Variants in C7 observed in about 807,000 individuals in gnomAD.
The protein encoded by C7 is complement component C7.
A neutral mutation model predicts 104.8 loss-of-function variants in C7; 83 were observed. The ratio of observed to expected loss-of-function variants is 0.79; its 90% CI spans 0.66 to 0.95. The LOEUF (loss-of-function observed/expected upper bound fraction) is 0.95, where lower values mean the gene tolerates loss of function less well. Ranked by LOEUF, C7 falls within the 40% of genes least tolerant of loss-of-function variation. C7 has a pLI of 0.00. For missense variants in C7, 1,070 were observed against 1,011.2 expected (o/e 1.06, Z -0.79); for synonymous variants, 415 against 360.6 (o/e 1.15, Z -1.71).
intron 14 of C7, chr5:40,972,152 G>A (rs1261153238): frequency 5.5e-6 from 3 of 541,636 alleles, no homozygotes; most frequent in African/African-American, 3.9e-5. Context: ...TTCATTTTAA[G>A]TTGTCACATT....
At chr5:40,921,665 T>C (rs1484269220) in intron 1 of C7, among the ~76,000 whole-genome samples, 1 of 151,422 alleles carries the variant, frequency 6.6e-6, no homozygotes, top group Non-Finnish European at 1.5e-5. Context: ...AACAGACACA[T>C]AGATGGCTGA....
At chr5:40,962,217 C>G (rs1740437118) in intron 13 of C7, 45 bp downstream of exon 13, 4 of 1,141,184 alleles carry the variant, frequency 3.5e-6, no homozygotes, top group Middle Eastern at 2.0e-4. Flanking sequence ...GCTCTAACTT[C>G]TATCTCTCTG....
rs571427865 is a variant in C7 at position 40,984,289 on chromosome 5, A to G, written c.*2716A>G. Among the ~76,000 whole-genome samples the G allele has an allele frequency of 3.3e-5, 5 of 152,162 alleles. No individual in the cohort carries two copies. Among genetic ancestry groups the G allele is most frequent in the African/African-American group, 1.2e-4 (5 of 41,446 alleles). On this transcript the variant is annotated 3_prime_UTR_variant, in exon 18 of 18. Coordinates refer to ENST00000313164, the MANE Select transcript of C7 (RefSeq NM_000587.4). ...GAAGGAGGGTTCTTCGTATTCAGGT[A>G]GGGTATGGTAGGGATGTGGAGTGCC...
At position 40,948,994 on chromosome 5, in the gene C7, G is replaced by A. The variant is rs183253882; in HGVS notation, c.983-910G>A. Among the ~76,000 whole-genome samples, 5 of 151,916 alleles carry A rather than the reference G, an allele frequency of 3.3e-5. 1 individual carries two copies. The highest frequency in any genetic ancestry group is 3.3e-4 in the Admixed American group (5 of 15,236). On this transcript the variant is annotated intron_variant, in intron 8 of 17. Transcript: ENST00000313164. ...TTTTCAAATCTTATAGGTTAGAAAT[G>A]AGTGCACAAGTACAGGTTTTTGTAG...
Position 40,958,068 on chromosome 5 carries a change from T to C in C7, c.1296T>C (p.Pro432=), listed in dbSNP as rs759019627. The C allele has an allele frequency of 1.9e-6, 3 of 1,613,708 alleles. No individual in the cohort carries two copies. In the Admixed American group the frequency reaches 5.0e-5, roughly 27 times the overall value. The change falls in exon 11 of 18, where the codon CCT becomes CCC. Residue 432 remains proline, a synonymous_variant. Coordinates refer to ENST00000313164, the MANE Select transcript of C7 (RefSeq NM_000587.4). ...TPLYELVKEV[P]CASVKKLYLK... ...TATATGAGCTGGTAAAGGAAGTACC[T>C]TGTGCCTCTGTGAAAAAACTATACC...
intron 9 of C7, among the ~76,000 whole-genome samples, chr5:40,955,180 G>A (rs1740261345): frequency 6.6e-6 from 1 of 152,120 alleles, no homozygotes; most frequent in African/African-American, 2.4e-5. Context: ...ATAACGACAT[G>A]TGCCCACCAT....
In C7 at chr5:40,972,486, A is replaced by T. The variant is rs1412916341; in HGVS notation, c.1966A>T (p.Thr656Ser). Residue 656 changes from threonine (T) to serine (S), a missense_variant, in exon 15 of 18, where the codon ACT becomes TCT. By Grantham distance (58) the Thr-to-Ser change is moderately conservative (BLOSUM62 1). Transcript: ENST00000313164. The stretch of plus-strand genomic sequence containing the variant: ...TTTCTACACAGTTGGTGAGAAGGTG[A>T]CTGTTTCCTGTTCAGGTGGCATGTC... ...KPFYTVGEKV[T>S]VSCSGGMSLE... 2 of 1,613,886 alleles carry T rather than the reference A, an allele frequency of 1.2e-6. No individual in the cohort carries two copies. Among genetic ancestry groups the T allele is most frequent in the Admixed American group, 3.3e-5 (2 of 60,010 alleles).
chr5:40,976,770 G>A lies in C7; in HGVS notation c.2095G>A (p.Val699Met). Residue 699 changes from valine to methionine, a missense_variant, in exon 16 of 18, where the codon GTG becomes ATG. Transcript: ENST00000313164. The part of the protein sequence containing the change: ...VQKENPLTQA[V>M]PKCQRWEKLQ... ...TTTAGAAAATCCGTTAACACAGGCA[G>A]TGCCTAAATGTCAGCGCTGGGAGAA... The A allele has an allele frequency of 1.2e-6, 2 of 1,602,132 alleles. No homozygotes were observed. The highest frequency in any genetic ancestry group is 1.7e-6 in the Non-Finnish European group (2 of 1,173,862).
In C7 at chr5:40,937,605, T is replaced by A; in HGVS notation, c.482T>A (p.Phe161Tyr). 6.2e-7 allele frequency: 1 copy of A among 1,612,828 alleles called. No individual in the cohort carries two copies. Among genetic ancestry groups the A allele is most frequent in the Non-Finnish European group, 8.5e-7 (1 of 1,179,218 alleles). Reference sequence around the variant, plus strand: ...AACAGAGTCATCAATACCAAAAGTTTTGGTGGTCAATGTAGAAAGGTGTTT... The same window carrying A: ...AACAGAGTCATCAATACCAAAAGTTATGGTGGTCAATGTAGAAAGGTGTTT... ...FRNRVINTKS[F>Y]GGQCRKVFSG... Residue 161 changes from phenylalanine (F) to tyrosine (Y), a missense_variant, in exon 6 of 18, where the codon TTT becomes TAT. By Grantham distance (22) the Phe-to-Tyr change is conservative. Coordinates refer to ENST00000313164, the MANE Select transcript of C7 (RefSeq NM_000587.4).
chr5:40,937,481 C>G, intron 5 of C7, 71 bp from the exon 6 acceptor site: 1 of 1,494,522 alleles, frequency 6.7e-7, no homozygotes, highest in African/African-American at 1.4e-5. Context: ...AAACTTTTTT[C>G]CCCACCAAGT....
chr5:40,968,697 T>C (rs1022101452), intron 14 of C7, among the ~76,000 whole-genome samples: 22 of 145,016 alleles, frequency 1.5e-4, no homozygotes, highest in Non-Finnish European at 2.7e-4. Context: ...CTGTAATCTC[T>C]GCCTCCTGGG....
intron 3 of C7, among the ~76,000 whole-genome samples, chr5:40,933,319 A>G (rs1739735996): frequency 6.6e-6 from 1 of 152,098 alleles, no homozygotes; most frequent in African/African-American, 2.4e-5. Context: ...GTTGATCTTC[A>G]CTCAAGGTTT....
intron 8 of C7, 67 bp downstream of exon 8, chr5:40,947,912 T>G: frequency 6.8e-7 from 1 of 1,460,802 alleles, no homozygotes; most frequent in Middle Eastern, 2.2e-4. Flanking sequence ...TAACATGTAG[T>G]TAATGTAAGC....
chr5:40,918,500 A>T (rs912448017), intron 1 of C7, among the ~76,000 whole-genome samples: 3 of 152,340 alleles, frequency 2.0e-5, no homozygotes, highest in African/African-American at 7.2e-5. Context: ...AAAGATATAG[A>T]GTAAGTGAAT....
At chr5:40,972,659 C>T in intron 15 of C7, 65 bp downstream of exon 15, 1 of 1,326,836 alleles carries the variant, frequency 7.5e-7, no homozygotes, top group Admixed American at 2.1e-5. Flanking sequence ...CTTGTGGCGA[C>T]CTTCATGGTA....
At chr5:40,952,450 A>G (rs1561250044) in intron 9 of C7, among the ~76,000 whole-genome samples, 1 of 149,434 alleles carries the variant, frequency 6.7e-6, no homozygotes, top group African/African-American at 2.5e-5. Flanking sequence ...CCTTAAAAAA[A>G]CATCATGATG....
Position 40,983,664 on chromosome 5 carries a change from G to T in C7, c.*2091G>T, listed in dbSNP as rs548685729. ...GAATTAGGATTGTCGCAGCAGGTCA[G>T]CAAGGAGAAAGTCATTTTTAAGATT... On this transcript the variant is annotated 3_prime_UTR_variant, in exon 18 of 18. Transcript: ENST00000313164. 2.0e-5 allele frequency among the ~76,000 whole-genome samples: 3 copies of T among 152,298 alleles called. No homozygotes were observed. The East Asian group carries it at 5.8e-4, about 29-fold the overall frequency.
chr5:40,917,097 T>A (rs1739334799), intron 1 of C7, among the ~76,000 whole-genome samples: 1 of 147,304 alleles, frequency 6.8e-6, no homozygotes, highest in Non-Finnish European at 1.5e-5. Context: ...ACTGTGCCAA[T>A]GCACTCCAGC....
In C7 at chr5:40,914,710, G is replaced by A. The variant is rs191284882; in HGVS notation, c.6+5094G>A. ...TAGACATTCTATGCAATATTACAAA[G>A]AGAGTATTCCCAAATCTGTTTGGTA... is the stretch of plus-strand genomic sequence containing the variant. On this transcript the variant is annotated intron_variant, in intron 1 of 17. Transcript: ENST00000313164. Among the ~76,000 whole-genome samples the A allele has an allele frequency of 1.5e-3, 221 of 152,278 alleles. 3 individuals carry two copies. The highest frequency in any genetic ancestry group is 4.8e-3 in the African/African-American group (201 of 41,568).
Sources: gnomAD v4.1 joint callset for allele counts (sites outside exome capture counted in the v4.1 genomes callset) on GRCh38, gnomAD v4.1.1 for gene constraint, MANE v1.5 for transcripts, NCBI Gene and HGNC (gene_info 2026-07-23, HGNC 2026-07-21) for gene names.